Variants in SCHIP1 observed in about 807,000 individuals in gnomAD.
SCHIP1 encodes schwannomin interacting protein 1, also known as schwannomin-interacting protein 1.
In SCHIP1, 8 loss-of-function variants were observed where a neutral mutation model predicts 29.7. The ratio of observed to expected loss-of-function variants is 0.27; its 90% confidence interval spans 0.16 to 0.49. The LOEUF is 0.49. SCHIP1 is among the 20% of genes least tolerant of loss of function. SCHIP1 has a pLI of 0.99. For synonymous variants in SCHIP1, 76 were observed against 94.9 expected (o/e 0.80, Z 1.16); for missense variants, 193 against 294.6 (o/e 0.66, Z 2.52).
At chr3:159,874,366 TAACTC>T (rs745506217) in intron 2 of SCHIP1, among the ~76,000 whole-genome samples, 2 of 152,230 alleles carry the variant, frequency 1.3e-5, no homozygotes, top group Non-Finnish European at 2.9e-5. Flanking sequence ...ACTGTTTACT[TAACTC>T]AACCATTCCA....
the SCHIP1 span, among the ~76,000 whole-genome samples, chr3:159,746,335 A>C: frequency 3.3e-5 from 5 of 151,930 alleles, no homozygotes; most frequent in Admixed American, 6.6e-5. Context: ...CTTTCTTTTA[A>C]AACTCTAGTT....
the SCHIP1 span, among the ~76,000 whole-genome samples, chr3:159,777,620 T>C: frequency 1.3e-4 from 20 of 152,188 alleles, no homozygotes; most frequent in Admixed American, 9.2e-4. Flanking sequence ...TTATTAATAA[T>C]AAAAAGGGAA....
At chr3:159,635,371 G>T in the SCHIP1 span, among the ~76,000 whole-genome samples, 9,078 of 152,212 alleles carry the variant, frequency 0.06, 849 homozygotes, top group African/African-American at 0.2. Context: ...GGCAACGATG[G>T]TGCTTGGGAG....
the SCHIP1 span, among the ~76,000 whole-genome samples, chr3:159,680,706 T>TATATAATATAC: frequency 1.4e-3 from 18 of 12,422 alleles, 1 homozygote; most frequent in South Asian, 0.06. Flanking sequence ...TAATATATAT[T>TATATAATATAC]ATATATAATA....
chr3:159,842,866 T>C (rs1744361298), intron 1 of SCHIP1, among the ~76,000 whole-genome samples: 1 of 152,136 alleles, frequency 6.6e-6, no homozygotes, highest in South Asian at 2.1e-4. Flanking sequence ...ATTTACCTTA[T>C]ATTGTCGCCT....
the SCHIP1 span, among the ~76,000 whole-genome samples, chr3:159,399,903 C>A: frequency 6.6e-6 from 1 of 152,286 alleles, no homozygotes; most frequent in East Asian, 1.9e-4. Flanking sequence ...GTATTGATCT[C>A]CTGACCTCCA....
At chr3:159,752,244 T>C in the SCHIP1 span, among the ~76,000 whole-genome samples, 1 of 152,186 alleles carries the variant, frequency 6.6e-6, no homozygotes, top group Non-Finnish European at 1.5e-5. Context: ...CTTGTGATTA[T>C]TGCAAAGAAA....
At chr3:159,513,024 G>A in the SCHIP1 span, among the ~76,000 whole-genome samples, 4 of 152,168 alleles carry the variant, frequency 2.6e-5, no homozygotes, top group African/African-American at 7.2e-5. Context: ...GTATCAAATT[G>A]GATAACTCTC....
chr3:159,653,444 G>A, the SCHIP1 span, among the ~76,000 whole-genome samples: 1 of 152,068 alleles, frequency 6.6e-6, no homozygotes, highest in Non-Finnish European at 1.5e-5. Flanking sequence ...GCAGAGACAT[G>A]GATGAAGCTG....
chr3:159,449,275 C>T, the SCHIP1 span, among the ~76,000 whole-genome samples: 2 of 86,770 alleles, frequency 2.3e-5, no homozygotes, highest in South Asian at 3.6e-4. Flanking sequence ...GAACACAAGC[C>T]TACAAGCTGA....
chr3:159,367,230 TAAAAATACA>T, the SCHIP1 span, among the ~76,000 whole-genome samples: 1 of 152,024 alleles, frequency 6.6e-6, no homozygotes, highest in Non-Finnish European at 1.5e-5. Context: ...CCGTCTCTAC[TAAAAATACA>T]AAATAAGCTG....
chr3:159,543,810 T>G, the SCHIP1 span, among the ~76,000 whole-genome samples: 1 of 152,160 alleles, frequency 6.6e-6, no homozygotes, highest in African/African-American at 2.4e-5. Flanking sequence ...TCCACAATGG[T>G]TGAACTAGTT....
At chr3:159,475,281 G>A in the SCHIP1 span, among the ~76,000 whole-genome samples, 1 of 152,142 alleles carries the variant, frequency 6.6e-6, no homozygotes, top group African/African-American at 2.4e-5. Context: ...TTACAATATG[G>A]ATGAACCTTG....
intron 1 of SCHIP1, among the ~76,000 whole-genome samples, chr3:159,858,788 C>G (rs1255210897): frequency 6.6e-6 from 1 of 152,182 alleles, no homozygotes; most frequent in African/African-American, 2.4e-5. Flanking sequence ...GGCCAGCTCT[C>G]TCGTGGGTAC....
the SCHIP1 span, among the ~76,000 whole-genome samples, chr3:159,443,590 C>T: frequency 1.5e-3 from 230 of 152,148 alleles, no homozygotes; most frequent in Middle Eastern, 3.4e-3. Flanking sequence ...CTTACTGCAA[C>T]CTCTGCCTCC....
At chr3:159,467,503 A>T in the SCHIP1 span, among the ~76,000 whole-genome samples, 1 of 152,054 alleles carries the variant, frequency 6.6e-6, no homozygotes, top group Non-Finnish European at 1.5e-5. Flanking sequence ...GACTTAAAAA[A>T]AAAAATAAAA....
chr3:159,881,470 C>T (rs142731483), intron 2 of SCHIP1, among the ~76,000 whole-genome samples: 2 of 152,206 alleles, frequency 1.3e-5, no homozygotes, highest in African/African-American at 2.4e-5. Flanking sequence ...ATGAGCAATG[C>T]ATGTTCGAAG....
At chr3:159,360,361 A>G in the SCHIP1 span, among the ~76,000 whole-genome samples, 1 of 152,188 alleles carries the variant, frequency 6.6e-6, no homozygotes, top group Non-Finnish European at 1.5e-5. Flanking sequence ...GATTCTTGTA[A>G]CTACCACTGC....
At chr3:159,427,312 GC>G in the SCHIP1 span, among the ~76,000 whole-genome samples, 1 of 151,678 alleles carries the variant, frequency 6.6e-6, no homozygotes, top group African/African-American at 2.4e-5. Context: ...CATTGTCTCA[GC>G]CCAAAATCTC....
Sources: allele counts gnomAD v4.1 joint callset (sites outside exome capture counted in the v4.1 genomes callset), GRCh38; gene constraint gnomAD v4.1.1; transcripts MANE v1.5; gene names NCBI Gene and HGNC (gene_info 2026-07-23, HGNC 2026-07-21).